INO80: variants seen among roughly 807,000 people sequenced by gnomAD.
The protein encoded by INO80 is INO80 complex ATPase subunit.
In INO80, 20 loss-of-function variants were observed where a neutral mutation model predicts 203.4. That is an observed-to-expected ratio of 0.10 (90% CI 0.07 to 0.14). INO80 has a LOEUF of 0.14. Ranked by LOEUF, INO80 falls within the 10% of genes least tolerant of loss-of-function variation. The probability of loss-of-function intolerance (pLI) is 1.00; values close to 1 mark genes in which losing one functional copy is unlikely to be tolerated. For missense variants in INO80, 1,419 were observed against 1,914.4 expected (o/e 0.74, Z 4.83); for synonymous variants, 726 against 685.2 (o/e 1.06, Z -0.93).
Position 41,085,416 on chromosome 15 carries a change from G to A in INO80, c.826C>T (p.Arg276Cys), listed in dbSNP as rs866583951. The A allele has an allele frequency of 8.7e-6, 14 of 1,614,176 alleles. No individual in the cohort carries two copies. Among genetic ancestry groups the A allele is most frequent in the South Asian group, 3.3e-5 (3 of 91,082 alleles). ...KHLSIEQLNA[R>C]RRKVWLSIVK... The stretch of plus-strand genomic sequence containing the variant: ...ATGCTGAGCCATACTTTCCTGCGAC[G>A]AGCATTCAGCTGCTCAATGGATAAG... Residue 276 changes from arginine to cysteine, a missense_variant, in exon 7 of 36, where the codon CGT (arginine) becomes TGT (cysteine). Arg to Cys is a radical substitution (Grantham distance 180). This residue lies in a region of INO80 where 323 missense variants were observed against 325.4 expected (regional missense o/e 0.99). Transcript: ENST00000648947.
At position 41,056,688 on chromosome 15, in the gene INO80, G is replaced by A; in HGVS notation, c.2004C>T (p.Leu668=). 3.1e-6 allele frequency: 5 copies of A among 1,614,036 alleles called. No homozygotes were observed. Among genetic ancestry groups the A allele is most frequent in the Non-Finnish European group, 4.2e-6 (5 of 1,179,876 alleles). ...KSSSSVRWKI[L]LQFQCRNRLL... ...GCCGATTCCGACACTGGAACTGTAA[G>A]AGGATCTTCCAACGAACACTGTTTG... Residue 668 remains leucine, a synonymous_variant, in exon 17 of 36, where the codon CTC becomes CTT. Transcript: ENST00000648947.
chr15:40,983,092 G>A lies in INO80; in HGVS notation c.4238-15C>T. On this transcript the variant is annotated splice_polypyrimidine_tract_variant and intron_variant, in intron 34 of 35. Coordinates refer to ENST00000648947, the MANE Select transcript of INO80 (RefSeq NM_017553.3). Reference sequence around the variant, plus strand: ...AATGGAAATTCCTGTGGGAACAAATGGGCCAAAAGGGAAAGAAAAAAAAAA... The same window carrying A: ...AATGGAAATTCCTGTGGGAACAAATAGGCCAAAAGGGAAAGAAAAAAAAAA... 1 of 1,589,560 alleles carries A rather than the reference G, an allele frequency of 6.3e-7. No homozygotes were observed. The highest frequency in any genetic ancestry group is 8.6e-7 in the Non-Finnish European group (1 of 1,163,672).
intron 28 of INO80, among the ~76,000 whole-genome samples, chr15:40,997,980 A>AC (rs2043901992): frequency 6.7e-6 from 1 of 149,816 alleles, no homozygotes. Flanking sequence ...ATGACTTATA[A>AC]TAGTCTGGGG....
At chr15:41,053,404 T>G (rs1463698568) in intron 19 of INO80, among the ~76,000 whole-genome samples, 3 of 152,060 alleles carry the variant, frequency 2.0e-5, no homozygotes, top group African/African-American at 7.2e-5. Context: ...CGTGCCCGGC[T>G]ACAAATTAAT....
chr15:41,042,675 C>T (rs187590976), intron 24 of INO80, among the ~76,000 whole-genome samples: 4 of 151,588 alleles, frequency 2.6e-5, no homozygotes, highest in Admixed American at 1.3e-4. Flanking sequence ...GGTTTCACTA[C>T]GTTGGCCAGG....
chr15:41,104,469 G>A (rs2045853739), intron 1 of INO80, among the ~76,000 whole-genome samples: 1 of 151,994 alleles, frequency 6.6e-6, no homozygotes, highest in Non-Finnish European at 1.5e-5. Flanking sequence ...CAGACTTCCT[G>A]AGCTGTGTTC....
intron 15 of INO80, among the ~76,000 whole-genome samples, chr15:41,059,596 G>C (rs956256367): frequency 6.6e-6 from 1 of 151,222 alleles, no homozygotes; most frequent in Non-Finnish European, 1.5e-5. Context: ...CAAGGCTACA[G>C]TGAAATGTGA....
At chr15:41,114,038 G>A (rs1001299559) in intron 1 of INO80, among the ~76,000 whole-genome samples, 1 of 152,156 alleles carries the variant, frequency 6.6e-6, no homozygotes, top group African/African-American at 2.4e-5. Flanking sequence ...GGAGGCCAAG[G>A]TAGGTGGATC....
chr15:41,000,820 G>A lies in INO80; in HGVS notation c.3498-3219C>T, dbSNP rs1287543045. Among the ~76,000 whole-genome samples, 13 of 151,794 alleles carry A rather than the reference G, an allele frequency of 8.6e-5. 1 individual carries two copies. Among genetic ancestry groups the A allele is most frequent in the Admixed American group, 8.5e-4 (13 of 15,232 alleles). On this transcript the variant is annotated intron_variant, in intron 28 of 35. Coordinates refer to ENST00000648947, the MANE Select transcript of INO80 (RefSeq NM_017553.3). ...TTCAGATGTAATCACTTACAAATAG[G>A]GGCTATATACAGAAGAACACTAGTG...
Position 41,085,596 on chromosome 15 carries a change from CAG to C in INO80, c.659-15_659-14del. 6.2e-7 allele frequency: 1 copy of C among 1,607,834 alleles called. No homozygotes were observed. Among genetic ancestry groups the C allele is most frequent in the Non-Finnish European group, 8.5e-7 (1 of 1,175,160 alleles). On this transcript the variant is annotated splice_polypyrimidine_tract_variant and intron_variant, in intron 6 of 35. Transcript: ENST00000648947. The stretch of plus-strand genomic sequence containing the variant: ...TTTTTCAACTTAGCTGCAAAAGAAA[CAG>C]ATGCAACAGGTTGCACTTCCACAGG...
chr15:41,056,430 C>T (rs73401700), intron 17 of INO80, among the ~76,000 whole-genome samples, 192 bp downstream of exon 17: 9,850 of 152,254 alleles, frequency 0.065, 924 homozygotes, highest in African/African-American at 0.21. Context: ...AATTCATTGG[C>T]CTTATGCCAG....
chr15:41,072,190 G>C (rs1403915102), intron 11 of INO80, 132 bp from the exon 12 acceptor site: 1 of 589,116 alleles, frequency 1.7e-6, no homozygotes, highest in East Asian at 2.9e-5. Context: ...CTCATAATCT[G>C]ATAATATAAC....
intron 14 of INO80, among the ~76,000 whole-genome samples, chr15:41,066,355 C>A (rs940885457): frequency 6.6e-6 from 1 of 151,974 alleles, no homozygotes; most frequent in Admixed American, 6.6e-5. Context: ...GAGACAAGGT[C>A]TACGTTGGCA....
intron 27 of INO80, among the ~76,000 whole-genome samples, chr15:41,012,274 A>T (rs887458320): frequency 1.3e-5 from 2 of 152,134 alleles, no homozygotes; most frequent in African/African-American, 4.8e-5. Flanking sequence ...AACAGCCAAG[A>T]TCCTATAGGT....
At chr15:41,046,364 A>T (rs777927059) in intron 23 of INO80, among the ~76,000 whole-genome samples, 14 of 144,552 alleles carry the variant, frequency 9.7e-5, no homozygotes, top group Admixed American at 3.4e-4. Flanking sequence ...TGAGTAGCTG[A>T]AACAGGCGCG....
intron 25 of INO80, 105 bp from the exon 26 acceptor site, chr15:41,021,230 G>A (rs1336966087): frequency 1.4e-6 from 1 of 720,362 alleles, no homozygotes; most frequent in Admixed American, 2.4e-5. Flanking sequence ...ATAGTTCTTA[G>A]ACTAGTGGTT....
At chr15:41,046,048 T>C (rs1472823558) in intron 23 of INO80, among the ~76,000 whole-genome samples, 2 of 151,488 alleles carry the variant, frequency 1.3e-5, no homozygotes, top group East Asian at 1.9e-4. Context: ...CTGCAATCAC[T>C]AACTAAATGA....
chr15:41,021,245 A>G, intron 25 of INO80, 120 bp from the exon 26 acceptor site: 3 of 673,618 alleles, frequency 4.5e-6, no homozygotes, highest in East Asian at 5.4e-5. Flanking sequence ...GTGGTTTTAA[A>G]TATCTGTTCT....
At chr15:40,999,840 C>T (rs2043933609) in intron 28 of INO80, among the ~76,000 whole-genome samples, 1 of 152,148 alleles carries the variant, frequency 6.6e-6, no homozygotes, top group Admixed American at 6.6e-5. Flanking sequence ...TAGGGCCGTA[C>T]TAATCTCTGG....
Sources: allele counts gnomAD v4.1 joint callset (sites outside exome capture counted in the v4.1 genomes callset), GRCh38; gene constraint gnomAD v4.1.1; regional missense constraint gnomAD v4.1.1; transcripts MANE v1.5; gene names NCBI Gene and HGNC (gene_info 2026-07-23, HGNC 2026-07-21).